Variants in WRN observed in about 807,000 individuals in gnomAD.
The protein encoded by WRN is WRN RecQ like helicase.
A neutral mutation model predicts 180.7 loss-of-function variants in WRN; 149 were observed. The ratio of observed to expected loss-of-function variants is 0.82; its 90% CI spans 0.72 to 0.94. The LOEUF (loss-of-function observed/expected upper bound fraction) is 0.94. Among genes scored for constraint, WRN ranks in the 40% least tolerant of loss-of-function variants. The pLI, the probability that WRN is intolerant of heterozygous loss-of-function variation, is 0.00. For synonymous variants in WRN, 548 were observed against 568.9 expected (o/e 0.96, Z 0.52); for missense variants, 1,661 against 1,700.1 (o/e 0.98, Z 0.40).
intron 16 of WRN, among the ~76,000 whole-genome samples, chr8:31,096,061 C>T (rs1813958341): frequency 6.6e-6 from 1 of 152,164 alleles, no homozygotes; most frequent in African/African-American, 2.4e-5. Flanking sequence ...TAGAACTGGG[C>T]TGTTTGACAT....
chr8:31,088,977 C>T lies in WRN; in HGVS notation c.1652+12C>T. Reference sequence around the variant, plus strand: ...TCCAGTTTTAAACCGTGAGTATAATCTCATTTAATCAAATCACATATTTAG... The same window carrying T: ...TCCAGTTTTAAACCGTGAGTATAATTTCATTTAATCAAATCACATATTTAG... On this transcript the variant is annotated intron_variant, in intron 13 of 34. Coordinates refer to ENST00000298139, the MANE Select transcript of WRN (RefSeq NM_000553.6). 6.2e-7 allele frequency: 1 copy of T among 1,603,096 alleles called. No individual in the cohort carries two copies. Among genetic ancestry groups the T allele is most frequent in the Non-Finnish European group, 8.5e-7 (1 of 1,173,028 alleles).
At chr8:31,119,679 T>A (rs1801646524) in intron 20 of WRN, among the ~76,000 whole-genome samples, 1 of 152,008 alleles carries the variant, frequency 6.6e-6, no homozygotes, top group South Asian at 2.1e-4. Flanking sequence ...TTTGTATTTT[T>A]ATTGTTATTA....
intron 8 of WRN, among the ~76,000 whole-genome samples, chr8:31,078,477 T>A (rs1387066420): frequency 6.6e-6 from 1 of 152,176 alleles, no homozygotes. Flanking sequence ...GGGTACTGAG[T>A]TAAAGTGAAA....
intron 24 of WRN, among the ~76,000 whole-genome samples, chr8:31,134,238 C>G (rs569791168): frequency 6.6e-6 from 1 of 152,034 alleles, no homozygotes; most frequent in Admixed American, 6.6e-5. Context: ...GAAATGTTCC[C>G]TTTAACCAAC....
At chr8:31,127,227 TGAA>T (rs1156772124) in intron 23 of WRN, among the ~76,000 whole-genome samples, 3 of 152,088 alleles carry the variant, frequency 2.0e-5, no homozygotes, top group African/African-American at 7.2e-5. Flanking sequence ...ACTAGAGGGA[TGAA>T]GAAAAGATCA....
At chr8:31,124,479 C>T in intron 21 of WRN, 43 bp from the exon 22 acceptor site, 7 of 1,444,210 alleles carry the variant, frequency 4.8e-6, no homozygotes, top group South Asian at 4.8e-5. Context: ...AAGAAAGTTG[C>T]CAATACAGTT....
At chr8:31,159,974 C>G (rs1191316214) in intron 33 of WRN, among the ~76,000 whole-genome samples, 2 of 146,566 alleles carry the variant, frequency 1.4e-5, no homozygotes, top group Non-Finnish European at 1.5e-5. Flanking sequence ...GACCTTGTAC[C>G]CTGACAAGTT....
At chr8:31,066,909 ATCTGTGGGT>A in intron 5 of WRN, 115 bp from the exon 6 acceptor site, 1 of 1,153,692 alleles carries the variant, frequency 8.7e-7, no homozygotes, top group South Asian at 1.3e-5. Flanking sequence ...GTTGAAGGCT[ATCTGTGGGT>A]TGTATTTTGG....
chr8:31,164,324 A>G (rs1411469347), intron 33 of WRN, among the ~76,000 whole-genome samples: 1 of 152,184 alleles, frequency 6.6e-6, no homozygotes, highest in Non-Finnish European at 1.5e-5. Flanking sequence ...AACGATTCAG[A>G]TATGTTATTT....
intron 1 of WRN, among the ~76,000 whole-genome samples, chr8:31,052,579 G>T (rs1812117153): frequency 6.6e-6 from 1 of 152,030 alleles, no homozygotes; most frequent in African/African-American, 2.4e-5. Flanking sequence ...GTAGAGACGG[G>T]GTTTCGCCAT....
intron 11 of WRN, among the ~76,000 whole-genome samples, chr8:31,086,288 T>C (rs1046057141): frequency 2.6e-4 from 40 of 152,050 alleles, no homozygotes; most frequent in Non-Finnish European, 4.7e-4. Flanking sequence ...ATGTATATTC[T>C]AGGGCCAGGC....
chr8:31,046,581 A>G (rs2129943526), intron 1 of WRN, among the ~76,000 whole-genome samples: 1 of 152,298 alleles, frequency 6.6e-6, no homozygotes, highest in East Asian at 1.9e-4. Context: ...GCATTTTTCC[A>G]ATCTCTTCTA....
At chr8:31,059,971 G>A (rs560321872) in intron 3 of WRN, among the ~76,000 whole-genome samples, 2 of 152,034 alleles carry the variant, frequency 1.3e-5, no homozygotes, top group African/African-American at 2.4e-5. Context: ...CAGGAGAATC[G>A]CTTGAACCTG....
intron 7 of WRN, among the ~76,000 whole-genome samples, chr8:31,070,669 A>C (rs1424538547): frequency 6.6e-6 from 1 of 151,956 alleles, no homozygotes; most frequent in African/African-American, 2.4e-5. Context: ...ACACACCGAG[A>C]GGCATCTGAC....
At chr8:31,169,314 T>G (rs1001690322) in intron 34 of WRN, among the ~76,000 whole-genome samples, 1 of 151,656 alleles carries the variant, frequency 6.6e-6, no homozygotes, top group African/African-American at 2.4e-5. Flanking sequence ...TAAAACGTTT[T>G]TTAGATTTAA....
At position 31,077,989 on chromosome 8, in the gene WRN, G is replaced by A. The variant is rs11574217; in HGVS notation, c.839+1702G>A. Among the ~76,000 whole-genome samples, 78 of 152,282 alleles carry A rather than the reference G, an allele frequency of 5.1e-4. 1 individual carries two copies. The South Asian group carries it at 0.016, about 32-fold the overall frequency. ...TGTGGTGGGTAAAACTAGTCTTAGA[G>A]TCACAACAGGTTGTTTCAGTATCTA... On this transcript the variant is annotated intron_variant, in intron 8 of 34. Transcript: ENST00000298139.
At chr8:31,111,342 A>G (rs1001976629) in intron 18 of WRN, among the ~76,000 whole-genome samples, 2 of 152,236 alleles carry the variant, frequency 1.3e-5, no homozygotes, top group African/African-American at 2.4e-5. Flanking sequence ...AGTAGGCTTA[A>G]TTTAATAAGA....
intron 3 of WRN, among the ~76,000 whole-genome samples, chr8:31,063,151 T>C (rs1324378122): frequency 6.6e-6 from 1 of 152,200 alleles, no homozygotes; most frequent in Non-Finnish European, 1.5e-5. Flanking sequence ...TTTTTTATAA[T>C]AGTACTTAAT....
chr8:31,150,267 T>A, intron 30 of WRN, 74 bp from the exon 31 acceptor site: 1 of 1,199,096 alleles, frequency 8.3e-7, no homozygotes, highest in Admixed American at 1.7e-5. Flanking sequence ...GAACATCAGC[T>A]ATATTGCTGG....
Sources: allele counts gnomAD v4.1 joint callset (sites outside exome capture counted in the v4.1 genomes callset), GRCh38; gene constraint gnomAD v4.1.1; transcripts MANE v1.5; gene names NCBI Gene and HGNC (gene_info 2026-07-23, HGNC 2026-07-21).